GZMM: variants seen among roughly 807,000 people sequenced by gnomAD.
GZMM encodes HU-Met-1.
Under a neutral mutation model 19.2 loss-of-function variants are expected in GZMM, and 23 were observed. The ratio of observed to expected loss-of-function variants is 1.20; its 90% CI spans 0.86 to 1.69. GZMM has a LOEUF of 1.69. Ranked by LOEUF, GZMM falls within the 40% of genes most tolerant of loss-of-function variation. The pLI is 0.00. For missense variants in GZMM, 373 were observed against 352.2 expected (o/e 1.06, Z -0.47); for synonymous variants, 178 against 160.2 (o/e 1.11, Z -0.84).
At chr19:545,052 C>G (rs1980218321) in intron 1 of GZMM, among the ~76,000 whole-genome samples, 1 of 151,798 alleles carries the variant, frequency 6.6e-6, no homozygotes, top group Non-Finnish European at 1.5e-5. Flanking sequence ...CCTTTCCCCC[C>G]TCCTTCCCTC....
chr19:547,380 G>C lies in GZMM; in HGVS notation c.156G>C (p.Gly52=), dbSNP rs768715164. 1 of 1,551,740 alleles carries C rather than the reference G, an allele frequency of 6.4e-7. No homozygotes were observed. The highest frequency in any genetic ancestry group is 1.4e-5 in the African/African-American group (1 of 71,710). ...AGAGAAATGGCTCCCACCTGTGCGG[G>C]GGTGTCCTGGTGCACCCAAAGTGGG... The part of the protein sequence containing the change: ...SLQRNGSHLC[G]GVLVHPKWVL... The change falls in exon 2 of 5, where the codon GGG becomes GGC. Residue 52 remains glycine, a synonymous_variant. Coordinates refer to ENST00000264553, the MANE Select transcript of GZMM (RefSeq NM_005317.4).
chr19:549,869 AC>A lies in GZMM; in HGVS notation c.*79del. Reference sequence around the variant, plus strand: ...CAGGGGTGCAGTGGGGTGGGTGAGGACGGGTGGGAGGGACAGGGAGGGACCA... The same window carrying A: ...CAGGGGTGCAGTGGGGTGGGTGAGGAGGGTGGGAGGGACAGGGAGGGACCA... On this transcript the variant is annotated 3_prime_UTR_variant, in exon 5 of 5. Coordinates refer to ENST00000264553, the MANE Select transcript of GZMM (RefSeq NM_005317.4). 1 of 514,902 alleles carries A rather than the reference AC, an allele frequency of 1.9e-6. No individual in the cohort carries two copies. Among genetic ancestry groups the A allele is most frequent in the East Asian group, 5.4e-5 (1 of 18,564 alleles). 31.9% of individuals were successfully genotyped at this position (514,902 alleles called of 1,614,324 possible).
chr19:549,865 G>GTT lies in GZMM; in HGVS notation c.*74_*75insTT. The GTT allele has an allele frequency of 1.9e-6, 1 of 531,004 alleles. No individual in the cohort carries two copies. The highest frequency in any genetic ancestry group is 3.5e-6 in the Non-Finnish European group (1 of 284,206). 32.9% of individuals were successfully genotyped at this position (531,004 alleles called of 1,614,324 possible). A position where few individuals can be genotyped will look rare whatever the true frequency, so the allele number is the denominator to read the frequency against. On this transcript the variant is annotated 3_prime_UTR_variant, in exon 5 of 5. Transcript: ENST00000264553. Reference sequence around the variant, plus strand: ...CCTCCAGGGGTGCAGTGGGGTGGGTGAGGACGGGTGGGAGGGACAGGGAGG... The same window carrying GTT: ...CCTCCAGGGGTGCAGTGGGGTGGGTGTTAGGACGGGTGGGAGGGACAGGGAGG...
In GZMM at chr19:549,262, C is replaced by T. The variant is rs1166507942; in HGVS notation, c.612+77C>T. On this transcript the variant is annotated intron_variant, in intron 4 of 4. Coordinates refer to ENST00000264553, the MANE Select transcript of GZMM (RefSeq NM_005317.4). Reference sequence around the variant, plus strand: ...GGCCAGGGCAGCCGCCGGGCAGGTTCCTGGCTCTCCCGTTCTCTGGGGAGT... The same window carrying T: ...GGCCAGGGCAGCCGCCGGGCAGGTTTCTGGCTCTCCCGTTCTCTGGGGAGT... The T allele has an allele frequency of 1.6e-5, 22 of 1,396,374 alleles. No homozygotes were observed. In the East Asian group the frequency reaches 2.5e-4, roughly 16 times the overall value. The allele number at this position is 1,396,374 out of a possible 1,614,324, so 86.5% of individuals were successfully genotyped here.
At position 547,430 on chromosome 19, in the gene GZMM, C is replaced by T; in HGVS notation, c.206C>T (p.Ala69Val). The T allele has an allele frequency of 6.9e-7, 1 of 1,457,452 alleles. No homozygotes were observed. The highest frequency in any genetic ancestry group is 9.1e-7 in the Non-Finnish European group (1 of 1,102,194). The allele number at this position is 1,457,452 out of a possible 1,614,324, so 90.3% of individuals were successfully genotyped here. ...GTGCTGACGGCTGCCCACTGCCTGG[C>T]CCAGCGGTGAGTACCCTGCCCTGCC... ...KWVLTAAHCL[A>V]QRMAQLRLVL... Residue 69 changes from alanine (A) to valine (V), a missense_variant, in exon 2 of 5, where the codon GCC (alanine) becomes GTC (valine). Transcript: ENST00000264553.
intron 1 of GZMM, among the ~76,000 whole-genome samples, chr19:545,103 C>A (rs369750591): frequency 6.6e-6 from 1 of 151,726 alleles, no homozygotes; most frequent in East Asian, 1.9e-4. Flanking sequence ...CCTTCCATCC[C>A]TCCTTCCTTT....
At chr19:548,730 GCCCCTCA>G in intron 3 of GZMM, 53 bp downstream of exon 3, 1 of 1,562,422 alleles carries the variant, frequency 6.4e-7, no homozygotes, top group Non-Finnish European at 8.7e-7. Context: ...CCCCACGGGT[GCCCCTCA>G]CCCCCACTGC....
In GZMM at chr19:549,137, C is replaced by T. The variant is rs1349587555; in HGVS notation, c.564C>T (p.Pro188=). The part of the protein sequence containing the change: ...NSRFWNGSLS[P]SMVCLAADSK... Reference sequence around the variant, plus strand: ...GCTTCTGGAACGGCAGCCTCTCCCCCAGCATGGTCTGCCTGGCGGCCGACT... The same window carrying T: ...GCTTCTGGAACGGCAGCCTCTCCCCTAGCATGGTCTGCCTGGCGGCCGACT... The change falls in exon 4 of 5, where the codon CCC becomes CCT. Residue 188 remains proline (P), a synonymous_variant. Coordinates refer to ENST00000264553, the MANE Select transcript of GZMM (RefSeq NM_005317.4). 31 of 1,579,952 alleles carry T rather than the reference C, an allele frequency of 2.0e-5. No individual in the cohort carries two copies. Among genetic ancestry groups the T allele is most frequent in the Non-Finnish European group, 2.6e-5 (30 of 1,163,984 alleles).
chr19:549,755 G>A lies in GZMM; in HGVS notation c.738G>A (p.Val246=), dbSNP rs1980448186. The change falls in exon 5 of 5, where the codon GTG becomes GTA. Residue 246 remains valine (V), a synonymous_variant. Transcript: ENST00000264553. Reference sequence around the variant, plus strand: ...TGGCCACCGCTGTGGCGCCTTACGTGTCCTGGATCAGGAAGGTCACCGGCC... The same window carrying A: ...TGGCCACCGCTGTGGCGCCTTACGTATCCTGGATCAGGAAGGTCACCGGCC... ...PPVATAVAPY[V]SWIRKVTGRS... is the part of the protein sequence containing the mutation. The A allele has an allele frequency of 1.9e-6, 3 of 1,613,516 alleles. No individual in the cohort carries two copies. Among genetic ancestry groups the A allele is most frequent in the Non-Finnish European group, 2.5e-6 (3 of 1,179,918 alleles).
In GZMM at chr19:548,969, G is replaced by C. The variant is rs1980403685; in HGVS notation, c.396G>C (p.Leu132=). The change falls in exon 4 of 5, where the codon CTG becomes CTC. Residue 132 remains leucine, a synonymous_variant. Coordinates refer to ENST00000264553, the MANE Select transcript of GZMM (RefSeq NM_005317.4). ...KPSRTIRPLA[L]PSKRQVVAAG... ...GCCGGACCATCCGGCCGTTGGCCCT[G>C]CCCAGTAAGCGCCAGGTGGTGGCAG... is the stretch of plus-strand genomic sequence containing the variant. 6.2e-7 allele frequency: 1 copy of C among 1,601,552 alleles called. No individual in the cohort carries two copies.
At position 548,964 on chromosome 19, in the gene GZMM, GC is replaced by G; in HGVS notation, c.394del (p.Leu132CysfsTer21). The G allele has an allele frequency of 1.1e-5, 18 of 1,600,434 alleles. No individual in the cohort carries two copies. Among genetic ancestry groups the G allele is most frequent in the Non-Finnish European group, 1.5e-5 (18 of 1,172,734 alleles). On this transcript the variant is annotated frameshift_variant, in exon 4 of 5. Transcript: ENST00000264553. LOFTEE classifies it high-confidence loss of function. Reference protein sequence around the residue: ...VKPSRTIRPLALPSKRQVVAA... With the variant: ...VKPSRTIRPLXLPSKRQVVAA... ...GCCCAGCCGGACCATCCGGCCGTTG[GC>G]CCTGCCCAGTAAGCGCCAGGTGGTG...
intron 4 of GZMM, 144 bp from the exon 5 acceptor site, chr19:549,486 G>A: frequency 2.4e-6 from 2 of 822,994 alleles, no homozygotes; most frequent in East Asian, 5.4e-5. Context: ...GAGATGGGGA[G>A]GGGACACGCG....
rs140535378 is a variant in GZMM, at chr19:546,276, C to T, written c.56-1004C>T. ...ATTTCTTGCTGGGCACAGTGGCTCA[C>T]GCCTGTCATCCCAGCACTTTGGGAG... is the stretch of plus-strand genomic sequence containing the variant. On this transcript the variant is annotated intron_variant, in intron 1 of 4. Transcript: ENST00000264553. 2.8e-4 allele frequency among the ~76,000 whole-genome samples: 42 copies of T among 152,134 alleles called. No individual in the cohort carries two copies. In the East Asian group the frequency reaches 7.7e-3, roughly 28 times the overall value.
In GZMM at chr19:547,364, G is replaced by A. The variant is rs753181415; in HGVS notation, c.140G>A (p.Gly47Asp). The change falls in exon 2 of 5, where the codon GGC becomes GAC. Residue 47 changes from glycine to aspartate, a missense_variant. By Grantham distance (94) the Gly-to-Asp change is moderately conservative. Coordinates refer to ENST00000264553, the MANE Select transcript of GZMM (RefSeq NM_005317.4). ...RPYMASLQRN[G>D]SHLCGGVLVH... Reference sequence around the variant, plus strand: ...TACATGGCCTCACTGCAGAGAAATGGCTCCCACCTGTGCGGGGGTGTCCTG... The same window carrying A: ...TACATGGCCTCACTGCAGAGAAATGACTCCCACCTGTGCGGGGGTGTCCTG... 5 of 1,572,556 alleles carry A rather than the reference G, an allele frequency of 3.2e-6. No homozygotes were observed. The highest frequency in any genetic ancestry group is 8.6e-7 in the Non-Finnish European group (1 of 1,161,380).
intron 1 of GZMM, among the ~76,000 whole-genome samples, chr19:546,751 T>G (rs1444528099): frequency 6.6e-6 from 1 of 151,526 alleles, no homozygotes; most frequent in African/African-American, 2.4e-5. Context: ...GTCAGGAGAA[T>G]GGCATGAACC....
At chr19:548,427 G>A (rs1980367072) in intron 2 of GZMM, 115 bp from the exon 3 acceptor site, 4 of 1,018,190 alleles carry the variant, frequency 3.9e-6, no homozygotes, top group Non-Finnish European at 5.8e-6. Context: ...GCCTGTGAGG[G>A]GCAGCGGCTG....
chr19:544,121 CAGT>C lies in GZMM; in HGVS notation c.53_55del (p.Val18del), dbSNP rs761477708. ...CTGGTGCTGGCCCTGGGGGCCCTGTCAGTAGGTGAGTGGGAGCCGGGATGCAGG... is the reference window on the plus strand; with the variant it reads ...CTGGTGCTGGCCCTGGGGGCCCTGTCAGGTGAGTGGGAGCCGGGATGCAGG... On this transcript the variant is annotated inframe_deletion and splice_region_variant, in exon 1 of 5. Transcript: ENST00000264553. 42 of 1,545,292 alleles carry C rather than the reference CAGT, an allele frequency of 2.7e-5. No homozygotes were observed. The highest frequency in any genetic ancestry group is 4.9e-5 in the East Asian group (2 of 41,116).
intron 4 of GZMM, 124 bp from the exon 5 acceptor site, chr19:549,506 A>G: frequency 9.9e-7 from 1 of 1,006,254 alleles, no homozygotes; most frequent in East Asian, 2.6e-5. Flanking sequence ...GTGGGCCGGG[A>G]GCAGCCCCTG....
intron 1 of GZMM, among the ~76,000 whole-genome samples, chr19:544,729 C>T (rs995217594): frequency 8.3e-4 from 72 of 87,118 alleles, no homozygotes; most frequent in Non-Finnish European, 1.1e-3. Flanking sequence ...TCCCTCCCTC[C>T]CTCCCTCATC....
Sources: allele counts gnomAD v4.1 joint callset (sites outside exome capture counted in the v4.1 genomes callset), GRCh38; gene constraint gnomAD v4.1.1; transcripts MANE v1.5; gene names NCBI Gene and HGNC (gene_info 2026-07-23, HGNC 2026-07-21).